Variants in PDE2A observed in about 807,000 individuals in gnomAD.
PDE2A encodes the protein cGMP-dependent 3',5'-cyclic phosphodiesterase.
A neutral mutation model predicts 133.6 loss-of-function variants in PDE2A; 53 were observed. The ratio of observed to expected loss-of-function variants is 0.40; its 90% confidence interval spans 0.32 to 0.50. PDE2A has a LOEUF of 0.50. Ranked by LOEUF, PDE2A falls within the 20% of genes least tolerant of loss-of-function variation. The pLI is 0.73. For synonymous variants in PDE2A, 491 were observed against 490.2 expected (o/e 1.00, Z -0.02); for missense variants, 796 against 1,232.4 (o/e 0.65, Z 5.30).
intron 2 of PDE2A, among the ~76,000 whole-genome samples, chr11:72,615,607 A>T (rs1307127161): frequency 1.4e-5 from 2 of 141,414 alleles, no homozygotes; most frequent in Admixed American, 1.5e-4. Context: ...ACCCCCTCCC[A>T]CCTTCAGCTG....
At chr11:72,663,586 A>G (rs10793037) in intron 1 of PDE2A, among the ~76,000 whole-genome samples, 120,730 of 151,964 alleles carry the variant, frequency 0.79, 48,554 homozygotes, top group Middle Eastern at 0.89. Flanking sequence ...AAAATTAGCC[A>G]GGCATGCTGG....
intron 11 of PDE2A, 31 bp downstream of exon 11, chr11:72,589,720 A>T: frequency 6.2e-7 from 1 of 1,610,774 alleles, no homozygotes; most frequent in Non-Finnish European, 8.5e-7. Flanking sequence ...GCCCCTGCAG[A>T]CTCCAACGAG....
chr11:72,637,560 A>T (rs1358997687), intron 2 of PDE2A, among the ~76,000 whole-genome samples: 3 of 152,232 alleles, frequency 2.0e-5, no homozygotes. Flanking sequence ...TGGAGGTAGC[A>T]TCTGGGAGGA....
At chr11:72,638,243 A>G (rs1858791956) in intron 2 of PDE2A, among the ~76,000 whole-genome samples, 1 of 152,198 alleles carries the variant, frequency 6.6e-6, no homozygotes, top group South Asian at 2.1e-4. Flanking sequence ...CTGGTAAAAG[A>G]AGGGCCTGAT....
chr11:72,583,753 C>T (rs1591017457), intron 19 of PDE2A, among the ~76,000 whole-genome samples: 1 of 152,120 alleles, frequency 6.6e-6, no homozygotes, highest in African/African-American at 2.4e-5. Context: ...TGCACTCCCC[C>T]ACACCTGATC....
intron 1 of PDE2A, chr11:72,649,133 C>G (rs985419475): frequency 2.0e-5 from 3 of 152,270 alleles, no homozygotes; most frequent in African/African-American, 7.2e-5. Context: ...TGCGCCCACA[C>G]TCTGCCTTCT....
intron 2 of PDE2A, among the ~76,000 whole-genome samples, chr11:72,619,634 G>A (rs1332504303): frequency 6.6e-6 from 1 of 152,206 alleles, no homozygotes; most frequent in Non-Finnish European, 1.5e-5. Context: ...TGTGACAGTG[G>A]TATAGTCAGT....
At chr11:72,650,974 A>C (rs1489367432) in intron 1 of PDE2A, among the ~76,000 whole-genome samples, 2 of 152,014 alleles carry the variant, frequency 1.3e-5, no homozygotes, top group Admixed American at 6.6e-5. Flanking sequence ...TACCAAGGCA[A>C]GAAGGTCTAA....
At chr11:72,626,605 C>T (rs1000967104) in intron 2 of PDE2A, among the ~76,000 whole-genome samples, 5 of 152,170 alleles carry the variant, frequency 3.3e-5, no homozygotes, top group African/African-American at 1.2e-4. Flanking sequence ...GTAAGCTATG[C>T]TCGTATACTC....
At chr11:72,594,768 G>A (rs1191346520) in intron 6 of PDE2A, among the ~76,000 whole-genome samples, 5 of 152,042 alleles carry the variant, frequency 3.3e-5, no homozygotes, top group African/African-American at 1.2e-4. Flanking sequence ...TTCCCTGCCT[G>A]TGGACCTCCT....
chr11:72,637,061 C>T (rs1223258971), intron 2 of PDE2A, among the ~76,000 whole-genome samples: 7 of 140,170 alleles, frequency 5.0e-5, no homozygotes, highest in African/African-American at 2.0e-4. Flanking sequence ...CTGCCACCAG[C>T]GAACCTTCAC....
intron 5 of PDE2A, 125 bp from the exon 6 acceptor site, chr11:72,596,773 AC>A: frequency 2.1e-6 from 1 of 468,214 alleles, no homozygotes; most frequent in Non-Finnish European, 3.6e-6. Flanking sequence ...ACACACAGAG[AC>A]CCCAAAACCC....
chr11:72,631,194 C>T, intron 2 of PDE2A: 12 of 1,393,916 alleles, frequency 8.6e-6, no homozygotes, highest in Non-Finnish European at 1.2e-5. Context: ...TCCCCTTCTC[C>T]CCAGACTGTC....
intron 1 of PDE2A, among the ~76,000 whole-genome samples, chr11:72,654,999 T>C (rs573620719): frequency 1.3e-5 from 2 of 151,262 alleles, no homozygotes; most frequent in Admixed American, 1.3e-4. Context: ...GAACTGGGAG[T>C]TTGATTCTCA....
intron 1 of PDE2A, among the ~76,000 whole-genome samples, chr11:72,654,152 C>T (rs1021162216): frequency 1.3e-5 from 2 of 152,202 alleles, no homozygotes; most frequent in African/African-American, 2.4e-5. Context: ...CAATAGCAGG[C>T]CCTGTGTCGG....
In PDE2A at chr11:72,578,101, T is replaced by C. The variant is rs1037709993; in HGVS notation, c.2615+132A>G. The stretch of plus-strand genomic sequence containing the variant: ...TGAGGGGCACAGCGGGAGACAGTTA[T>C]GCCCAGAGGCAAGGGGATGAATCAG... On this transcript the variant is annotated intron_variant, in intron 30 of 30. Transcript: ENST00000334456. This position sits in a 1 kb window ranked among gnomAD's most constrained non-coding sequence, Gnocchi z 4.2. 30 of 690,304 alleles carry C rather than the reference T, an allele frequency of 4.3e-5. No individual in the cohort carries two copies. Among genetic ancestry groups the C allele is most frequent in the African/African-American group, 3.6e-4 (21 of 57,582 alleles). 42.8% of individuals were successfully genotyped at this position (690,304 alleles called of 1,614,324 possible).
At chr11:72,611,335 T>C (rs550406473) in intron 2 of PDE2A, among the ~76,000 whole-genome samples, 12 of 152,122 alleles carry the variant, frequency 7.9e-5, no homozygotes, top group Non-Finnish European at 1.8e-4. Flanking sequence ...AACCCAAACC[T>C]CTGGATCTCT....
chr11:72,598,743 G>A (rs1347731608), intron 4 of PDE2A: 29 of 1,237,230 alleles, frequency 2.3e-5, no homozygotes, highest in African/African-American at 6.2e-5. Context: ...TAGACAAATC[G>A]AGGACCAAAG....
intron 1 of PDE2A, chr11:72,659,364 C>T (rs1200431837): frequency 6.6e-6 from 1 of 151,508 alleles, no homozygotes; most frequent in Non-Finnish European, 1.5e-5. Flanking sequence ...CTTAGGACCT[C>T]AGTGGGGCGG....
Sources: allele counts gnomAD v4.1 joint callset (sites outside exome capture counted in the v4.1 genomes callset), GRCh38; gene constraint gnomAD v4.1.1; non-coding constraint Gnocchi (gnomAD v3.1); transcripts MANE v1.5; gene names NCBI Gene and HGNC (gene_info 2026-07-23, HGNC 2026-07-21).